Variants in NEGR1 observed in about 807,000 individuals in gnomAD.
NEGR1 encodes IgLON family member 4.
In NEGR1, 10 loss-of-function variants were observed where a neutral mutation model predicts 40.9. The ratio of observed to expected loss-of-function variants is 0.24; its 90% CI spans 0.15 to 0.42. The LOEUF (loss-of-function observed/expected upper bound fraction) is 0.42. Among genes scored for constraint, NEGR1 ranks in the 10% least tolerant of loss-of-function variants. NEGR1 has a pLI of 1.00. For synonymous variants in NEGR1, 185 were observed against 166.8 expected (o/e 1.11, Z -0.84); for missense variants, 352 against 438.9 (o/e 0.80, Z 1.77).
intron 1 of NEGR1, among the ~76,000 whole-genome samples, chr1:71,994,629 A>G (rs1359699675): frequency 6.6e-6 from 1 of 152,052 alleles, no homozygotes; most frequent in Non-Finnish European, 1.5e-5. Flanking sequence ...AGAACAGTCA[A>G]GTATTATTAT....
chr1:71,675,112 C>CACATATATAA, intron 4 of NEGR1, among the ~76,000 whole-genome samples: 1 of 45,210 alleles, frequency 2.2e-5, no homozygotes, highest in East Asian at 9.2e-4. Context: ...CATGTTTATT[C>CACATATATAA]ATATATATAT....
chr1:71,553,395 A>G (rs1006488795), intron 6 of NEGR1, among the ~76,000 whole-genome samples: 8 of 151,454 alleles, frequency 5.3e-5, no homozygotes, highest in Non-Finnish European at 8.9e-5. Flanking sequence ...ATTTACACCT[A>G]CTTCCTTGGT....
chr1:71,431,555 CATCT>C (rs747496358), intron 6 of NEGR1, among the ~76,000 whole-genome samples: 16 of 50,170 alleles, frequency 3.2e-4, no homozygotes, highest in Non-Finnish European at 5.6e-4. Flanking sequence ...TCCATCCATC[CATCT>C]GTTTATCCAT....
intron 4 of NEGR1, among the ~76,000 whole-genome samples, chr1:71,684,936 T>A (rs1652976527): frequency 6.6e-6 from 1 of 152,258 alleles, no homozygotes; most frequent in Admixed American, 6.5e-5. Context: ...TCATTTATTT[T>A]GAATTGCTTC....
At chr1:71,607,763 G>C (rs988990812) in intron 5 of NEGR1, among the ~76,000 whole-genome samples, 1 of 151,840 alleles carries the variant, frequency 6.6e-6, no homozygotes, top group Non-Finnish European at 1.5e-5. Flanking sequence ...GAGCAATCTC[G>C]GCTCACTGTA....
intron 6 of NEGR1, among the ~76,000 whole-genome samples, chr1:71,480,726 A>G (rs1210196271): frequency 6.6e-6 from 1 of 151,944 alleles, no homozygotes; most frequent in Non-Finnish European, 1.5e-5. Context: ...GCCCTTTGAG[A>G]AACAAGAGAT....
At chr1:72,159,525 C>A (rs1651479415) in intron 1 of NEGR1, among the ~76,000 whole-genome samples, 1 of 152,060 alleles carries the variant, frequency 6.6e-6, no homozygotes, top group African/African-American at 2.4e-5. Context: ...AGAGGAAAAT[C>A]ACTAGCTAAC....
chr1:71,688,446 A>AAAGATATATATAAAAGATATATATATAT (rs772590587), intron 4 of NEGR1, among the ~76,000 whole-genome samples: 1 of 37,256 alleles, frequency 2.7e-5, no homozygotes, highest in African/African-American at 1.2e-4. Flanking sequence ...TATATATATA[A>AAAGATATATATAAAAGATATATATATAT]AAGATATGTA....
At chr1:71,440,367 A>G (rs1028833013) in intron 6 of NEGR1, among the ~76,000 whole-genome samples, 6 of 152,216 alleles carry the variant, frequency 3.9e-5, no homozygotes, top group African/African-American at 1.4e-4. Context: ...CAATAGAGCA[A>G]TAAAGTAATT....
rs545160913 is a variant in NEGR1 at position 71,789,061 on chromosome 1, A to T, written c.410-12764T>A. 9.5e-4 allele frequency among the ~76,000 whole-genome samples: 144 copies of T among 152,250 alleles called. 1 individual carries two copies. The highest frequency in any genetic ancestry group is 1.3e-3 in the Non-Finnish European group (90 of 68,006). On this transcript the variant is annotated intron_variant, in intron 2 of 6. Transcript: ENST00000357731. ...GAAGGATGGCAAAGGCGATACCAAG[A>T]TATTTTTTGGAATATGTTGTAGCCG...
At chr1:72,239,369 T>A (rs1028363496) in intron 1 of NEGR1, among the ~76,000 whole-genome samples, 4 of 151,872 alleles carry the variant, frequency 2.6e-5, no homozygotes, top group Non-Finnish European at 5.9e-5. Context: ...TTCCTAAAAT[T>A]ATTTCTTCAA....
chr1:72,273,375 G>A (rs1655921930), intron 1 of NEGR1, among the ~76,000 whole-genome samples: 1 of 151,906 alleles, frequency 6.6e-6, no homozygotes, highest in Admixed American at 6.6e-5. Flanking sequence ...TAAATGTTAG[G>A]AGGTCACAAT....
chr1:72,200,842 T>G (rs750200712), intron 1 of NEGR1, among the ~76,000 whole-genome samples: 6 of 151,984 alleles, frequency 3.9e-5, no homozygotes, highest in African/African-American at 7.2e-5. Flanking sequence ...ATAAAGAATG[T>G]GTTCAGAAAG....
intron 2 of NEGR1, among the ~76,000 whole-genome samples, chr1:71,807,828 A>C (rs1657835273): frequency 6.6e-6 from 1 of 152,110 alleles, no homozygotes; most frequent in Non-Finnish European, 1.5e-5. Context: ...TATCATCACC[A>C]AAAAAGCTCT....
At chr1:72,255,461 C>A (rs1033477108) in intron 1 of NEGR1, among the ~76,000 whole-genome samples, 1 of 151,994 alleles carries the variant, frequency 6.6e-6, no homozygotes, top group African/African-American at 2.4e-5. Context: ...CTTCATTCAT[C>A]CTGGGTGTTG....
At chr1:72,122,696 G>T (rs1290126404) in intron 1 of NEGR1, among the ~76,000 whole-genome samples, 1 of 151,778 alleles carries the variant, frequency 6.6e-6, no homozygotes, top group Non-Finnish European at 1.5e-5. Flanking sequence ...AAACTATGCA[G>T]GGTGGAGTGG....
intron 1 of NEGR1, among the ~76,000 whole-genome samples, chr1:72,061,032 G>T (rs1355184974): frequency 1.3e-5 from 2 of 151,600 alleles, no homozygotes; most frequent in African/African-American, 4.8e-5. Flanking sequence ...GTCTCAAAAT[G>T]GGAAATAAAG....
intron 2 of NEGR1, among the ~76,000 whole-genome samples, chr1:71,837,805 A>G (rs1350725147): frequency 6.6e-6 from 1 of 152,120 alleles, no homozygotes; most frequent in Non-Finnish European, 1.5e-5. Flanking sequence ...GCTATTGTTA[A>G]TCACTCACAA....
chr1:72,190,377 T>A (rs954792772), intron 1 of NEGR1, among the ~76,000 whole-genome samples: 3 of 151,624 alleles, frequency 2.0e-5, no homozygotes, highest in Non-Finnish European at 4.4e-5. Context: ...GCATCTAGGA[T>A]CTAATTTACA....
Sources: allele counts gnomAD v4.1 joint callset (sites outside exome capture counted in the v4.1 genomes callset), GRCh38; gene constraint gnomAD v4.1.1; transcripts MANE v1.5; gene names NCBI Gene and HGNC (gene_info 2026-07-23, HGNC 2026-07-21).